The following SND1 variants were observed in gnomAD, a reference collection of about 807,000 sequenced individuals.
SND1 encodes the protein staphylococcal nuclease and tudor domain containing 1, also known as staphylococcal nuclease domain-containing protein 1.
Under a neutral mutation model 121.7 loss-of-function variants are expected in SND1, and 38 were observed. The ratio of observed to expected loss-of-function variants is 0.31; its 90% CI spans 0.24 to 0.41. The LOEUF (loss-of-function observed/expected upper bound fraction) is 0.41. Ranked by LOEUF, SND1 falls within the 10% of genes least tolerant of loss-of-function variation. SND1 has a pLI of 1.00. For missense variants in SND1, 868 were observed against 1,184.6 expected, an observed-to-expected ratio of 0.73 and a Z score of 3.92; for synonymous variants, 401 against 447.4, an observed-to-expected ratio of 0.90 and a Z score of 1.31.
At chr7:128,073,761 A>T (rs1036043208) in intron 16 of SND1, among the ~76,000 whole-genome samples, 2 of 152,330 alleles carry the variant, frequency 1.3e-5, no homozygotes, top group South Asian at 4.1e-4. Context: ...CAGATCAGCT[A>T]CCACGAGGGC....
chr7:127,961,600 G>T (rs184660977), intron 15 of SND1, among the ~76,000 whole-genome samples: 73 of 152,330 alleles, frequency 4.8e-4, no homozygotes, highest in African/African-American at 1.7e-3. Flanking sequence ...CTTTTGCCAT[G>T]TGAAATTGTC....
chr7:128,005,131 C>T (rs1427647634), intron 16 of SND1, among the ~76,000 whole-genome samples: 2 of 152,204 alleles, frequency 1.3e-5, no homozygotes, highest in Admixed American at 1.3e-4. Flanking sequence ...ATCCCAACAC[C>T]ACTAACGTGT....
intron 9 of SND1, among the ~76,000 whole-genome samples, 166 bp downstream of exon 9, chr7:127,707,813 T>TGTGTGTGTGTGTG (rs1796228407): frequency 1.1e-5 from 1 of 91,704 alleles, no homozygotes; most frequent in Non-Finnish European, 2.5e-5. Context: ...GTGTGTGTGT[T>TGTGTGTGTGTGTG]TATTGTAGGG....
intron 12 of SND1, among the ~76,000 whole-genome samples, chr7:127,862,119 G>A (rs1257060902): frequency 6.6e-6 from 1 of 152,102 alleles, no homozygotes; most frequent in Non-Finnish European, 1.5e-5. Flanking sequence ...TTAATGTATG[G>A]CAGCTTCAAA....
chr7:127,967,473 A>T (rs1184834411), intron 15 of SND1, among the ~76,000 whole-genome samples: 1 of 152,184 alleles, frequency 6.6e-6, no homozygotes, highest in Non-Finnish European at 1.5e-5. Context: ...GAGCATGAAT[A>T]ACTATGGCTT....
At chr7:127,729,306 C>T (rs1043531314) in intron 10 of SND1, among the ~76,000 whole-genome samples, 3 of 151,916 alleles carry the variant, frequency 2.0e-5, no homozygotes, top group Non-Finnish European at 2.9e-5. Context: ...CTGTTGTCGA[C>T]CTTGTTGGTT....
intron 16 of SND1, among the ~76,000 whole-genome samples, chr7:128,063,270 A>G (rs1277338789): frequency 6.6e-6 from 1 of 152,192 alleles, no homozygotes; most frequent in Non-Finnish European, 1.5e-5. Context: ...CTGCCTGGAT[A>G]AACAGAGGAG....
intron 10 of SND1, among the ~76,000 whole-genome samples, chr7:127,792,147 C>T (rs1797919772): frequency 6.6e-6 from 1 of 152,132 alleles, no homozygotes; most frequent in Non-Finnish European, 1.5e-5. Context: ...ATCTTGTGAG[C>T]ATTTCTCGGT....
At position 128,074,511 on chromosome 7, in the gene SND1, G is replaced by A. The variant is rs764619324; in HGVS notation, c.1789G>A (p.Glu597Lys). 6.2e-7 allele frequency: 1 copy of A among 1,611,752 alleles called. No homozygotes were observed. Among genetic ancestry groups the A allele is most frequent in the Admixed American group, 1.7e-5 (1 of 59,936 alleles). The change falls in exon 17 of 24, where the codon GAG becomes AAG. Residue 597 changes from glutamate (E) to lysine (K), a missense_variant. Around this residue, in one of 2 missense-constraint regions of SND1, gnomAD observed 743 missense variants for 1,071.3 expected, o/e 0.69. Transcript: ENST00000354725. ...TGTCTCTCTGTCCCAGGTGGAGGTG[G>A]AGGTGGAGAGCATGGACAAGGCCGG... is the stretch of plus-strand genomic sequence containing the variant. Reference protein sequence around the residue: ...ELVLQREVEVEVESMDKAGNF... With the variant: ...ELVLQREVEVKVESMDKAGNF...
chr7:127,840,826 G>A (rs535740449), intron 11 of SND1, among the ~76,000 whole-genome samples: 37 of 152,116 alleles, frequency 2.4e-4, no homozygotes, highest in Non-Finnish European at 4.0e-4. Flanking sequence ...GCTATTCTCC[G>A]GGCCTCATTT....
At chr7:128,031,046 AGGGGAGGGGAGGGGAGG>A (rs1341318081) in intron 16 of SND1, 1 of 11,672 alleles carries the variant, frequency 8.6e-5, no homozygotes, top group Non-Finnish European at 1.9e-4. Flanking sequence ...GGGAGGGCAG[AGGGGAGGGGAGGGGAGG>A]GGAGGGAAGG....
At chr7:127,883,292 G>C (rs891404901) in intron 12 of SND1, among the ~76,000 whole-genome samples, 2 of 152,098 alleles carry the variant, frequency 1.3e-5, no homozygotes, top group Non-Finnish European at 2.9e-5. Flanking sequence ...CCATACAAGA[G>C]AACAGGAATC....
intron 15 of SND1, among the ~76,000 whole-genome samples, chr7:127,945,262 G>A (rs1387709205): frequency 1.3e-5 from 2 of 152,210 alleles, no homozygotes; most frequent in Non-Finnish European, 1.5e-5. Flanking sequence ...GGAGGCCGAG[G>A]TGGGCGGATC....
At chr7:127,739,079 G>A (rs1796830536) in intron 10 of SND1, among the ~76,000 whole-genome samples, 1 of 152,222 alleles carries the variant, frequency 6.6e-6, no homozygotes, top group Admixed American at 6.5e-5. Context: ...ATGAAACAGA[G>A]CAGTGGGTTT....
intron 1 of SND1, among the ~76,000 whole-genome samples, chr7:127,673,127 A>G (rs1461459030): frequency 6.7e-6 from 1 of 148,350 alleles, no homozygotes; most frequent in African/African-American, 2.4e-5. Context: ...GCTAAACTAT[A>G]TATTCTATTA....
intron 12 of SND1, among the ~76,000 whole-genome samples, chr7:127,857,428 C>T (rs568022168): frequency 1.4e-5 from 2 of 147,406 alleles, no homozygotes; most frequent in African/African-American, 5.0e-5. Flanking sequence ...TGGTCTCCAT[C>T]TCCTGACCTC....
intron 10 of SND1, among the ~76,000 whole-genome samples, chr7:127,773,089 G>C (rs1481400659): frequency 6.6e-6 from 1 of 150,598 alleles, no homozygotes; most frequent in Non-Finnish European, 1.5e-5. Context: ...TTAAGAGTTT[G>C]TTCTAACAGT....
chr7:127,885,324 A>G (rs953785601), intron 12 of SND1, among the ~76,000 whole-genome samples: 68 of 152,160 alleles, frequency 4.5e-4, no homozygotes, highest in African/African-American at 8.4e-4. Flanking sequence ...TGAATGCCCA[A>G]TGGTGATGGT....
chr7:127,758,691 A>T (rs1359502796), intron 10 of SND1, among the ~76,000 whole-genome samples: 1 of 152,146 alleles, frequency 6.6e-6, no homozygotes, highest in Non-Finnish European at 1.5e-5. Context: ...CTAATATGTA[A>T]TCCATTTTGA....
Sources: gnomAD v4.1 joint callset for allele counts (sites outside exome capture counted in the v4.1 genomes callset) on GRCh38, gnomAD v4.1.1 for gene constraint, gnomAD v4.1.1 regional missense constraint, MANE v1.5 for transcripts, NCBI Gene and HGNC (gene_info 2026-07-23, HGNC 2026-07-21) for gene names.